OPCML: variants seen among roughly 807,000 people sequenced by gnomAD.
OPCML encodes the protein opioid-binding protein/cell adhesion molecule.
A neutral mutation model predicts 37.8 loss-of-function variants in OPCML; 13 were observed. The ratio of observed to expected loss-of-function variants is 0.34; its 90% CI spans 0.22 to 0.55. The LOEUF is 0.55. OPCML is among the 20% of genes least tolerant of loss of function. The pLI is 0.91. For missense variants in OPCML, 341 were observed against 435.6 expected, an observed-to-expected ratio of 0.78 and a Z score of 1.93; for synonymous variants, 176 against 168.8, an observed-to-expected ratio of 1.04 and a Z score of -0.33.
At chr11:132,503,941 G>A (rs2096250977) in intron 4 of OPCML, among the ~76,000 whole-genome samples, 1 of 151,990 alleles carries the variant, frequency 6.6e-6, no homozygotes, top group Non-Finnish European at 1.5e-5. Flanking sequence ...GAGTAACCTA[G>A]CATATTAAAG....
chr11:133,378,144 A>G (rs572451178), intron 1 of OPCML, among the ~76,000 whole-genome samples: 24 of 152,250 alleles, frequency 1.6e-4, no homozygotes, highest in African/African-American at 5.8e-4. Flanking sequence ...TTCTTTTCCA[A>G]ATTAAGTATC....
At chr11:133,041,319 G>A (rs183593232) in intron 1 of OPCML, among the ~76,000 whole-genome samples, 2 of 152,278 alleles carry the variant, frequency 1.3e-5, no homozygotes, top group African/African-American at 2.4e-5. Flanking sequence ...GTAAATCTTC[G>A]GTGATGGCAT....
At chr11:133,199,965 G>A (rs1354899485) in intron 1 of OPCML, among the ~76,000 whole-genome samples, 6 of 152,172 alleles carry the variant, frequency 3.9e-5, no homozygotes, top group South Asian at 2.1e-4. Context: ...TGACTCGGGA[G>A]AGACTCCTGA....
intron 3 of OPCML, among the ~76,000 whole-genome samples, chr11:132,537,674 C>A (rs1264108570): frequency 1.3e-5 from 2 of 152,232 alleles, no homozygotes; most frequent in African/African-American, 4.8e-5. Context: ...ATTTGAAAAT[C>A]ATATATCTAA....
At chr11:133,369,679 C>A (rs1023302826) in intron 1 of OPCML, among the ~76,000 whole-genome samples, 2 of 152,090 alleles carry the variant, frequency 1.3e-5, no homozygotes, top group African/African-American at 4.8e-5. Context: ...AAAGAATTCC[C>A]AACTCTGTAC....
In OPCML at chr11:133,205,058, G is replaced by T. The variant is rs116882584; in HGVS notation, c.62-262048C>A. Among the ~76,000 whole-genome samples the T allele has an allele frequency of 6.6e-6, 1 of 151,734 alleles. No individual in the cohort carries two copies. Among genetic ancestry groups the T allele is most frequent in the East Asian group, 2.0e-4 (1 of 5,090 alleles). On this transcript the variant is annotated intron_variant, in intron 1 of 7. Transcript: ENST00000524381. This position sits in a 1 kb window ranked among gnomAD's most constrained non-coding sequence, Gnocchi z 4.8. Reference sequence around the variant, plus strand: ...GATGGCCTCAGGATGGTGGCTGGCTGCCAGGGAAGCCAATTCTGTGATTAA... The same window carrying T: ...GATGGCCTCAGGATGGTGGCTGGCTTCCAGGGAAGCCAATTCTGTGATTAA...
chr11:132,838,932 G>A (rs184968326), intron 2 of OPCML, among the ~76,000 whole-genome samples: 1 of 152,122 alleles, frequency 6.6e-6, no homozygotes, highest in African/African-American at 2.4e-5. Context: ...GCAGGAAGGA[G>A]GTCCTTAAGA....
intron 7 of OPCML, among the ~76,000 whole-genome samples, chr11:132,432,744 G>C (rs762527051): frequency 1.4e-4 from 22 of 152,194 alleles, no homozygotes; most frequent in Non-Finnish European, 2.2e-4. Flanking sequence ...TGTTCCTGGA[G>C]CTTACAGGAT....
chr11:132,725,866 CA>C (rs1944862557), intron 2 of OPCML, among the ~76,000 whole-genome samples: 1 of 151,950 alleles, frequency 6.6e-6, no homozygotes, highest in Admixed American at 6.6e-5. Context: ...ATCTCTTAGG[CA>C]GGGGCAAAAT....
chr11:133,437,324 C>T (rs901449512), intron 1 of OPCML, among the ~76,000 whole-genome samples: 1 of 152,208 alleles, frequency 6.6e-6, no homozygotes, highest in Non-Finnish European at 1.5e-5. Context: ...GATGAGATGG[C>T]GGGCAGAAGC....
chr11:133,120,436 A>C (rs142441077), intron 1 of OPCML, among the ~76,000 whole-genome samples: 4 of 152,296 alleles, frequency 2.6e-5, no homozygotes, highest in African/African-American at 4.8e-5. Context: ...TACAAGAGCT[A>C]AGCTTTCCCG....
intron 4 of OPCML, among the ~76,000 whole-genome samples, chr11:132,523,841 G>C (rs553321307): frequency 6.6e-6 from 1 of 152,204 alleles, no homozygotes; most frequent in African/African-American, 2.4e-5. Flanking sequence ...ATGCATAAAA[G>C]AGTCAGCTTT....
At chr11:133,155,446 C>G (rs1476427955) in intron 1 of OPCML, among the ~76,000 whole-genome samples, 5 of 152,136 alleles carry the variant, frequency 3.3e-5, no homozygotes, top group African/African-American at 1.2e-4. Context: ...CCTCCAAACA[C>G]TTTCCTACCT....
intron 2 of OPCML, among the ~76,000 whole-genome samples, chr11:132,712,865 T>C (rs891008172): frequency 6.6e-6 from 1 of 152,154 alleles, no homozygotes; most frequent in Non-Finnish European, 1.5e-5. Context: ...AAAATAATTA[T>C]AAAGTACATT....
chr11:133,019,515 T>C (rs961432549), intron 1 of OPCML, among the ~76,000 whole-genome samples: 8 of 152,240 alleles, frequency 5.3e-5, no homozygotes, highest in African/African-American at 1.9e-4. Flanking sequence ...TCAATTATCA[T>C]GTCTTCTTGT....
chr11:133,258,105 A>G (rs141333136), intron 1 of OPCML, among the ~76,000 whole-genome samples: 3 of 152,254 alleles, frequency 2.0e-5, no homozygotes, highest in Non-Finnish European at 4.4e-5. Flanking sequence ...ACAAATAGTG[A>G]CATGTCCTGG....
chr11:133,058,986 T>G, intron 1 of OPCML, among the ~76,000 whole-genome samples: 1 of 152,320 alleles, frequency 6.6e-6, no homozygotes, highest in Admixed American at 6.5e-5. Context: ...CCAGGGAAAC[T>G]TTGCTCTAAG....
rs1463395887 is a variant in OPCML, at chr11:133,080,379, T to C, written c.62-137369A>G. On this transcript the variant is annotated intron_variant, in intron 1 of 7. Coordinates refer to ENST00000524381, the MANE Select transcript of OPCML (RefSeq NM_001012393.5). ...GCCGGTGTGTGGCCCACACGGTGAGTAGGAAGGCCCTAAGAGGGAAGATGA... is the reference window on the plus strand; with the variant it reads ...GCCGGTGTGTGGCCCACACGGTGAGCAGGAAGGCCCTAAGAGGGAAGATGA... 2.0e-5 allele frequency among the ~76,000 whole-genome samples: 3 copies of C among 151,406 alleles called. No individual in the cohort carries two copies. In the East Asian group the frequency reaches 5.8e-4, roughly 29 times the overall value.
At chr11:133,183,961 G>A (rs1937956027) in intron 1 of OPCML, among the ~76,000 whole-genome samples, 1 of 152,134 alleles carries the variant, frequency 6.6e-6, no homozygotes, top group South Asian at 2.1e-4. Flanking sequence ...TTCCTCCAAA[G>A]CCCACTTATT....
Sources: gnomAD v4.1 joint callset for allele counts (sites outside exome capture counted in the v4.1 genomes callset) on GRCh38, gnomAD v4.1.1 for gene constraint, Gnocchi (gnomAD v3.1) non-coding constraint, MANE v1.5 for transcripts, NCBI Gene and HGNC (gene_info 2026-07-23, HGNC 2026-07-21) for gene names.